ERBB4: variants seen among roughly 807,000 people sequenced by gnomAD.
ERBB4 encodes receptor tyrosine-protein kinase erbB-4.
In ERBB4, 42 loss-of-function variants were observed where a neutral mutation model predicts 158.0. The ratio of observed to expected loss-of-function variants is 0.27; its 90% confidence interval spans 0.21 to 0.34. The LOEUF (loss-of-function observed/expected upper bound fraction) is 0.34. ERBB4 is among the 10% of genes least tolerant of loss of function. The pLI, the probability that ERBB4 is intolerant of heterozygous loss-of-function variation, is 1.00. For missense variants in ERBB4, 1,333 were observed against 1,624.1 expected, an observed-to-expected ratio of 0.82 and a Z score of 3.08; for synonymous variants, 583 against 558.7, an observed-to-expected ratio of 1.04 and a Z score of -0.61.
chr2:212,207,441 A>T (rs2082797587), intron 1 of ERBB4, among the ~76,000 whole-genome samples: 1 of 152,234 alleles, frequency 6.6e-6, no homozygotes, highest in South Asian at 2.1e-4. Flanking sequence ...TGACAGAAGG[A>T]GAATTAATTT....
At chr2:211,930,344 G>A (rs1021071370) in intron 3 of ERBB4, among the ~76,000 whole-genome samples, 3 of 152,182 alleles carry the variant, frequency 2.0e-5, no homozygotes, top group East Asian at 3.8e-4. Flanking sequence ...CAATGTGAGA[G>A]TTTAAGCTGT....
Position 211,376,844 on chromosome 2 carries a change from C to T in ERBB4, c.*6771G>A, listed in dbSNP as rs1344936985. 1.3e-5 allele frequency: 3 copies of T among 232,938 alleles called. No homozygotes were observed. The highest frequency in any genetic ancestry group is 2.5e-5 in the Non-Finnish European group (3 of 117,670). The allele number at this position is 232,938 out of a possible 1,614,324, so 14.4% of individuals were successfully genotyped here. A position where few individuals can be genotyped will look rare whatever the true frequency, so the allele number is the denominator to read the frequency against. On this transcript the variant is annotated 3_prime_UTR_variant, in exon 28 of 28. Coordinates refer to ENST00000342788, the MANE Select transcript of ERBB4 (RefSeq NM_005235.3). ...ACACCATGGGAAAATGCGGTTTCAGCATGCAGCCACGCAATCCCTGGTGCT... is the reference window on the plus strand; with the variant it reads ...ACACCATGGGAAAATGCGGTTTCAGTATGCAGCCACGCAATCCCTGGTGCT...
chr2:211,651,942 GTGTTT>G (rs2071004681), intron 16 of ERBB4, among the ~76,000 whole-genome samples: 1 of 152,160 alleles, frequency 6.6e-6, no homozygotes, highest in Non-Finnish European at 1.5e-5. Context: ...CTGTGGAACT[GTGTTT>G]TGTTTTGTTT....
intron 2 of ERBB4, among the ~76,000 whole-genome samples, chr2:212,092,000 C>T (rs185014479): frequency 6.6e-6 from 1 of 152,190 alleles, no homozygotes; most frequent in Non-Finnish European, 1.5e-5. Context: ...ATATGAAGAT[C>T]CCACACGTGA....
intron 20 of ERBB4, among the ~76,000 whole-genome samples, chr2:211,483,493 A>G (rs1321657371): frequency 3.3e-5 from 5 of 152,164 alleles, no homozygotes; most frequent in Non-Finnish European, 5.9e-5. Flanking sequence ...ATAAATAGAT[A>G]CATAAGAGTG....
At chr2:211,557,683 T>C (rs1218199965) in intron 20 of ERBB4, among the ~76,000 whole-genome samples, 1 of 152,100 alleles carries the variant, frequency 6.6e-6, no homozygotes, top group East Asian at 1.9e-4. Flanking sequence ...CATAAATTAG[T>C]TCAACCACTA....
intron 24 of ERBB4, 102 bp downstream of exon 24, chr2:211,421,905 A>G (rs1214795910): frequency 5.2e-6 from 4 of 768,014 alleles, no homozygotes; most frequent in South Asian, 1.4e-5. Context: ...ATTAATCAAC[A>G]TGTTTGTGGT....
At chr2:212,138,778 G>A (rs1350720626) in intron 1 of ERBB4, among the ~76,000 whole-genome samples, 3 of 152,026 alleles carry the variant, frequency 2.0e-5, no homozygotes, top group East Asian at 1.9e-4. Context: ...GACACAGACC[G>A]GATACACACA....
At chr2:211,876,792 C>T (rs961491695) in intron 3 of ERBB4, among the ~76,000 whole-genome samples, 1 of 152,060 alleles carries the variant, frequency 6.6e-6, no homozygotes, top group East Asian at 1.9e-4. Context: ...CACTGAAGAT[C>T]GATCCACTTT....
chr2:211,902,928 A>G (rs900755570), intron 3 of ERBB4, among the ~76,000 whole-genome samples: 2 of 151,982 alleles, frequency 1.3e-5, no homozygotes, highest in African/African-American at 4.8e-5. Context: ...TTAGAAAACT[A>G]AAAATCTTCA....
intron 1 of ERBB4, among the ~76,000 whole-genome samples, chr2:212,321,032 A>G (rs950999381): frequency 6.7e-6 from 1 of 150,270 alleles, no homozygotes; most frequent in Admixed American, 6.7e-5. Context: ...GTTAAATGAA[A>G]AACTCTCACT....
chr2:211,655,210 C>G (rs903567780), intron 16 of ERBB4, among the ~76,000 whole-genome samples: 5 of 152,028 alleles, frequency 3.3e-5, no homozygotes, highest in Non-Finnish European at 5.9e-5. Flanking sequence ...GAGAAATGCT[C>G]TCTCTTCCTT....
intron 7 of ERBB4, among the ~76,000 whole-genome samples, chr2:211,717,226 T>A (rs1391688107): frequency 6.6e-6 from 1 of 152,196 alleles, no homozygotes; most frequent in Non-Finnish European, 1.5e-5. Context: ...AGGGAAAATA[T>A]CATTTAGCCC....
At chr2:211,964,701 A>C (rs2081266672) in intron 2 of ERBB4, among the ~76,000 whole-genome samples, 1 of 152,176 alleles carries the variant, frequency 6.6e-6, no homozygotes, top group South Asian at 2.1e-4. Flanking sequence ...TTTAGCTGAC[A>C]CAGTTACCTC....
At chr2:211,458,184 C>T (rs2887993) in intron 20 of ERBB4, among the ~76,000 whole-genome samples, 285 of 148,390 alleles carry the variant, frequency 1.9e-3, no homozygotes, top group Middle Eastern at 3.4e-3. Flanking sequence ...ACTTGCCCAG[C>T]AACCATGCAC....
chr2:212,092,782 G>A (rs4672638), intron 2 of ERBB4, among the ~76,000 whole-genome samples: 80,973 of 151,854 alleles, frequency 0.53, 24,515 homozygotes, highest in East Asian at 0.93. Flanking sequence ...ACACATGGAC[G>A]CAGGGAGGGG....
chr2:212,030,796 G>T (rs2076885380), intron 2 of ERBB4, among the ~76,000 whole-genome samples: 1 of 152,056 alleles, frequency 6.6e-6, no homozygotes, highest in African/African-American at 2.4e-5. Flanking sequence ...ATTTCTGGCT[G>T]CCCCAATTGT....
chr2:212,055,305 C>A (rs111936899), intron 2 of ERBB4, among the ~76,000 whole-genome samples: 12 of 152,194 alleles, frequency 7.9e-5, no homozygotes, highest in African/African-American at 2.7e-4. Flanking sequence ...CCAGGAAGCT[C>A]GAACTGGGTG....
intron 19 of ERBB4, among the ~76,000 whole-genome samples, chr2:211,615,514 G>A (rs974046189): frequency 6.6e-6 from 1 of 152,078 alleles, no homozygotes; most frequent in East Asian, 1.9e-4. Context: ...GAATGTACTG[G>A]TCATTCACTA....
Sources: gnomAD v4.1 joint callset for allele counts (sites outside exome capture counted in the v4.1 genomes callset) on GRCh38, gnomAD v4.1.1 for gene constraint, MANE v1.5 for transcripts, NCBI Gene and HGNC (gene_info 2026-07-23, HGNC 2026-07-21) for gene names.